The following RBFOX1 variants were observed in gnomAD, a reference collection of about 807,000 sequenced individuals.
RBFOX1 encodes the protein RNA binding protein fox-1 homolog 1.
In RBFOX1, 8 loss-of-function variants were observed where a neutral mutation model predicts 57.7. The ratio of observed to expected loss-of-function variants is 0.14; its 90% CI spans 0.08 to 0.25. The LOEUF is 0.25. RBFOX1 is among the 10% of genes least tolerant of loss of function. The pLI is 1.00. For missense variants in RBFOX1, 611 were observed against 548.5 expected (o/e 1.11, Z -1.14); for synonymous variants, 326 against 222.4 (o/e 1.47, Z -4.15).
chr16:5,478,516 C>T (rs1440431155), intron 2 of RBFOX1, among the ~76,000 whole-genome samples: 1 of 152,162 alleles, frequency 6.6e-6, no homozygotes, highest in African/African-American at 2.4e-5. Flanking sequence ...TAGAATTAAA[C>T]ACATACACAT....
At chr16:5,791,938 C>T (rs1323268462) in intron 3 of RBFOX1, among the ~76,000 whole-genome samples, 1 of 152,166 alleles carries the variant, frequency 6.6e-6, no homozygotes, top group African/African-American at 2.4e-5. Flanking sequence ...CTCCAGACTT[C>T]TTGGCGTTGC....
intron 4 of RBFOX1, among the ~76,000 whole-genome samples, chr16:6,002,101 A>T (rs1038237707): frequency 2.0e-5 from 3 of 151,710 alleles, no homozygotes; most frequent in African/African-American, 7.3e-5. Context: ...CCTCCCCAGT[A>T]GCTGGGACTA....
At chr16:7,582,835 G>A (rs373704325) in intron 6 of RBFOX1, among the ~76,000 whole-genome samples, 1 of 152,166 alleles carries the variant, frequency 6.6e-6, no homozygotes, top group African/African-American at 2.4e-5. Context: ...TTTGTCTCTT[G>A]TTAAATATAG....
intron 3 of RBFOX1, among the ~76,000 whole-genome samples, chr16:7,037,551 CACAACA>C (rs1054133572): frequency 7.0e-4 from 107 of 152,196 alleles, no homozygotes; most frequent in African/African-American, 2.3e-3. Flanking sequence ...AAGAAGAAAT[CACAACA>C]ACAACAACAA....
At chr16:6,023,139 G>GT (rs1486186514) in intron 1 of RBFOX1, among the ~76,000 whole-genome samples, 1 of 152,066 alleles carries the variant, frequency 6.6e-6, no homozygotes, top group East Asian at 1.9e-4. Flanking sequence ...AGAACGTACA[G>GT]TTTTTTACAT....
chr16:6,383,683 T>C (rs1400615396), intron 2 of RBFOX1, among the ~76,000 whole-genome samples: 3 of 151,824 alleles, frequency 2.0e-5, no homozygotes, highest in South Asian at 2.1e-4. Flanking sequence ...GGCAGGAGAA[T>C]TGCATGAACC....
intron 11 of RBFOX1, among the ~76,000 whole-genome samples, chr16:7,647,984 G>A (rs986346455): frequency 1.3e-5 from 2 of 152,118 alleles, no homozygotes; most frequent in East Asian, 1.9e-4. Context: ...CATCTGTCCA[G>A]GTAATCATCT....
At chr16:6,989,847 A>G (rs1358840690) in intron 3 of RBFOX1, among the ~76,000 whole-genome samples, 3 of 151,954 alleles carry the variant, frequency 2.0e-5, no homozygotes, top group African/African-American at 7.3e-5. Context: ...TAAAAATACA[A>G]ACATTAGCCA....
chr16:5,554,030 C>T (rs1453786305), intron 2 of RBFOX1, among the ~76,000 whole-genome samples: 2 of 149,340 alleles, frequency 1.3e-5, no homozygotes, highest in Admixed American at 6.7e-5. Context: ...AGTGCAGTGG[C>T]GTGATCTCAG....
chr16:5,654,660 C>G lies in RBFOX1; in HGVS notation c.318+55699C>G, dbSNP rs946082238. 3.3e-5 allele frequency among the ~76,000 whole-genome samples: 5 copies of G among 152,320 alleles called. No individual in the cohort carries two copies. The South Asian group carries it at 8.3e-4, about 25-fold the overall frequency. On this transcript the variant is annotated intron_variant, in intron 3 of 19. Coordinates refer to the RBFOX1 transcript ENST00000641259. ...AGCCCTTTCGCATCTCATTCACAAC[C>G]TGGCATGACAGTCCGAGACTGACCA...
chr16:5,479,701 G>A (rs2151640245), intron 2 of RBFOX1, among the ~76,000 whole-genome samples: 1 of 152,244 alleles, frequency 6.6e-6, no homozygotes. Context: ...AGAGGTTGCA[G>A]TGATCCAAGA....
At chr16:7,072,251 C>T (rs1227407364) in intron 4 of RBFOX1, among the ~76,000 whole-genome samples, 1 of 152,156 alleles carries the variant, frequency 6.6e-6, no homozygotes, top group Non-Finnish European at 1.5e-5. Flanking sequence ...CTCCTTAGGG[C>T]CAGAATGACC....
At chr16:7,203,501 T>C (rs2089190378) in intron 4 of RBFOX1, among the ~76,000 whole-genome samples, 2 of 152,230 alleles carry the variant, frequency 1.3e-5, no homozygotes, top group Admixed American at 1.3e-4. Flanking sequence ...TTAATGCTAC[T>C]GAATTGTATG....
intron 2 of RBFOX1, among the ~76,000 whole-genome samples, chr16:6,388,768 C>G (rs2092438726): frequency 6.6e-6 from 1 of 152,108 alleles, no homozygotes; most frequent in Non-Finnish European, 1.5e-5. Flanking sequence ...AAAGGAAATT[C>G]CATCACTTGT....
At chr16:6,711,802 A>G (rs1374240215) in intron 3 of RBFOX1, among the ~76,000 whole-genome samples, 2 of 152,070 alleles carry the variant, frequency 1.3e-5, no homozygotes. Context: ...AGATCTTTGC[A>G]TTGTCTATTT....
intron 4 of RBFOX1, among the ~76,000 whole-genome samples, chr16:7,335,065 G>C (rs1224420954): frequency 6.6e-6 from 1 of 152,194 alleles, no homozygotes; most frequent in East Asian, 1.9e-4. Flanking sequence ...GACAGCCCAT[G>C]TTATTTACCC....
chr16:6,949,360 G>A (rs530736346), intron 3 of RBFOX1, among the ~76,000 whole-genome samples: 1 of 152,298 alleles, frequency 6.6e-6, no homozygotes, highest in African/African-American at 2.4e-5. Flanking sequence ...CAGTGAAACA[G>A]GCCTTGCTGA....
rs1597419269 is a variant in RBFOX1, at chr16:5,832,136, C to G, written c.319-35167C>G. ...ACTGGGAACTGAAACAGAAGCAGAACTGGCTAAGTAGGAAGCCAGGTAACC... is the reference window on the plus strand; with the variant it reads ...ACTGGGAACTGAAACAGAAGCAGAAGTGGCTAAGTAGGAAGCCAGGTAACC... On this transcript the variant is annotated intron_variant, in intron 3 of 19. Coordinates refer to the RBFOX1 transcript ENST00000641259. 5.9e-5 allele frequency among the ~76,000 whole-genome samples: 9 copies of G among 152,156 alleles called. No homozygotes were observed. The South Asian group carries it at 1.9e-3, about 32-fold the overall frequency.
intron 3 of RBFOX1, among the ~76,000 whole-genome samples, chr16:6,947,441 G>A (rs2079777607): frequency 6.6e-6 from 1 of 152,264 alleles, no homozygotes; most frequent in South Asian, 2.1e-4. Flanking sequence ...GGCTTCAACT[G>A]GCCGTATTTC....
Sources: gnomAD v4.1 joint callset for allele counts (sites outside exome capture counted in the v4.1 genomes callset) on GRCh38, gnomAD v4.1.1 for gene constraint, MANE v1.5 for transcripts, NCBI Gene and HGNC (gene_info 2026-07-23, HGNC 2026-07-21) for gene names.